BCL2L13: variants seen among roughly 807,000 people sequenced by gnomAD.
BCL2L13 encodes BCL2 like 13, also known as bcl-2-like protein 13.
In BCL2L13, 13 loss-of-function variants were observed where a neutral mutation model predicts 25.8. The ratio of observed to expected loss-of-function variants is 0.50; its 90% CI spans 0.33 to 0.80. The LOEUF is 0.80. Ranked by LOEUF, BCL2L13 falls within the 30% of genes least tolerant of loss-of-function variation. The pLI, the probability that BCL2L13 is intolerant of heterozygous loss-of-function variation, is 0.02. For synonymous variants in BCL2L13, 244 were observed against 230.3 expected (o/e 1.06, Z -0.54); for missense variants, 504 against 574.9 (o/e 0.88, Z 1.26).
At position 17,645,173 on chromosome 22, in the gene BCL2L13, A is replaced by T. The variant is rs116014864; in HGVS notation, c.-51+6287A>T. On this transcript the variant is annotated intron_variant, in intron 1 of 6. Coordinates refer to ENST00000317582, the MANE Select transcript of BCL2L13 (RefSeq NM_015367.4). Reference sequence around the variant, plus strand: ...TGGGACAAGTTTGGGAAACAAATACAAAAGACTGTCATGTTGCTGCATATT... The same window carrying T: ...TGGGACAAGTTTGGGAAACAAATACTAAAGACTGTCATGTTGCTGCATATT... Among the ~76,000 whole-genome samples, 755 of 151,060 alleles carry T rather than the reference A, an allele frequency of 5.0e-3. 37 individuals carry two copies. The highest frequency in any genetic ancestry group is 0.017 in the African/African-American group (678 of 40,540).
chr22:17,650,317 G>T (rs1464102096), intron 1 of BCL2L13, among the ~76,000 whole-genome samples: 1 of 152,076 alleles, frequency 6.6e-6, no homozygotes, highest in African/African-American at 2.4e-5. Context: ...GGACTGAAAG[G>T]GTTCCTCTTC....
chr22:17,655,004 G>A (rs1030419463), intron 1 of BCL2L13, among the ~76,000 whole-genome samples: 2 of 152,106 alleles, frequency 1.3e-5, no homozygotes, highest in South Asian at 2.1e-4. Flanking sequence ...GATTACATGC[G>A]TGAGCCACCA....
intron 1 of BCL2L13, among the ~76,000 whole-genome samples, chr22:17,631,666 G>GTATA (rs1568903492): frequency 5.1e-4 from 11 of 21,402 alleles, no homozygotes; most frequent in African/African-American, 1.2e-3. Context: ...GTATGTGTGT[G>GTATA]TGTGTATATA....
intron 1 of BCL2L13, among the ~76,000 whole-genome samples, chr22:17,629,767 A>AT (rs2057965693): frequency 6.6e-6 from 1 of 152,002 alleles, no homozygotes; most frequent in Non-Finnish European, 1.5e-5. Context: ...CTTCACCTAG[A>AT]TTCAACAATT....
chr22:17,714,170 G>C (rs532864397), intron 6 of BCL2L13, among the ~76,000 whole-genome samples: 3 of 152,070 alleles, frequency 2.0e-5, no homozygotes, highest in Non-Finnish European at 4.4e-5. Context: ...GCGGGCACCT[G>C]TAGTCCCAGC....
chr22:17,649,435 C>T (rs2058602757), intron 1 of BCL2L13, among the ~76,000 whole-genome samples: 1 of 151,962 alleles, frequency 6.6e-6, no homozygotes, highest in African/African-American at 2.4e-5. Context: ...AATGTAAATA[C>T]TTTCTTCTTC....
chr22:17,646,438 G>A (rs750586637), intron 1 of BCL2L13, among the ~76,000 whole-genome samples: 4 of 150,686 alleles, frequency 2.7e-5, no homozygotes, highest in East Asian at 3.9e-4. Context: ...TAGTAGTGAC[G>A]GTGTTTCATC....
intron 6 of BCL2L13, among the ~76,000 whole-genome samples, chr22:17,720,541 A>G (rs2061091112): frequency 6.6e-6 from 1 of 151,470 alleles, no homozygotes; most frequent in South Asian, 2.1e-4. Context: ...GTATTTTTAC[A>G]TGTAGTAGAG....
Position 17,631,696 on chromosome 22 carries a change from ATATATATATATTTTTTTTTTTTTTTT to A in BCL2L13, c.-650+2693_-650+2718del, listed in dbSNP as rs1568903886. ...TATATATATATATATATATATATAT[ATATATATATATTTTTTTTTTTTTTTT>A]TTTTTTTTTTTTTTTTGAGATGGAG... is the stretch of plus-strand genomic sequence containing the variant. On this transcript the variant is annotated intron_variant, in intron 1 of 6. Transcript: ENST00000399782. 9.0e-3 allele frequency among the ~76,000 whole-genome samples: 300 copies of A among 33,230 alleles called. 11 individuals are homozygous for A. Among genetic ancestry groups the A allele is most frequent in the African/African-American group, 0.023 (286 of 12,228 alleles). The allele number at this position is 33,230 out of a possible 152,430, so 21.8% of individuals were successfully genotyped here. A position where few individuals can be genotyped will look rare whatever the true frequency, so the allele number is the denominator to read the frequency against.
At chr22:17,687,978 C>T (rs993073353) in intron 3 of BCL2L13, among the ~76,000 whole-genome samples, 5 of 151,768 alleles carry the variant, frequency 3.3e-5, no homozygotes, top group East Asian at 3.9e-4. Flanking sequence ...CCATCACGCC[C>T]GGCTAATTTT....
intron 6 of BCL2L13, among the ~76,000 whole-genome samples, chr22:17,715,106 G>A (rs139775965): frequency 1.1e-3 from 134 of 119,684 alleles, no homozygotes; most frequent in Non-Finnish European, 2.0e-3. Flanking sequence ...AGTTTCCAAA[G>A]ACTTCAGTGT....
chr22:17,693,593 T>C (rs2060180464), intron 4 of BCL2L13, among the ~76,000 whole-genome samples: 1 of 152,118 alleles, frequency 6.6e-6, no homozygotes, highest in African/African-American at 2.4e-5. Flanking sequence ...TTGGCCAGGC[T>C]GGTCTTGAAC....
intron 5 of BCL2L13, among the ~76,000 whole-genome samples, chr22:17,700,221 T>A (rs1188257161): frequency 6.6e-6 from 1 of 152,074 alleles, no homozygotes; most frequent in East Asian, 1.9e-4. Flanking sequence ...AATGGAGCAA[T>A]GGCCATATGA....
intron 2 of BCL2L13, among the ~76,000 whole-genome samples, chr22:17,658,269 A>G (rs560461515): frequency 2.0e-5 from 3 of 152,326 alleles, no homozygotes; most frequent in African/African-American, 7.2e-5. Context: ...GAAAGAATAC[A>G]TGAATATGTA....
At chr22:17,635,899 C>T (rs919270190), upstream of BCL2L13, among the ~76,000 whole-genome samples, 6 of 151,514 alleles carry the variant, frequency 4.0e-5, no homozygotes, top group Admixed American at 6.6e-5. Flanking sequence ...TTAGTAGAGA[C>T]GGGGTTTCAC....
At position 17,730,412 on chromosome 22, in the gene BCL2L13, C is replaced by T. The variant is rs1462729315; in HGVS notation, c.*2878C>T. On this transcript the variant is annotated 3_prime_UTR_variant, in exon 7 of 7. Transcript: ENST00000317582. The stretch of plus-strand genomic sequence containing the variant: ...GCAGCCACTACCTAACTAGGCTTGT[C>T]CTGGGGGAGTGAGCCGTGAACCTGG... 1 of 152,134 alleles carries T rather than the reference C, an allele frequency of 6.6e-6. No individual in the cohort carries two copies. The highest frequency in any genetic ancestry group is 2.4e-5 in the African/African-American group (1 of 41,448). The allele number at this position is 152,134 out of a possible 1,614,324, so 9.4% of individuals were successfully genotyped here.
intron 1 of BCL2L13, among the ~76,000 whole-genome samples, chr22:17,649,232 GTAT>G (rs1393718562): frequency 1.3e-5 from 2 of 152,016 alleles, no homozygotes; most frequent in Admixed American, 1.3e-4. Context: ...GGAGTGGCTG[GTAT>G]TATAGGCGCA....
chr22:17,706,624 C>A, intron 6 of BCL2L13: 2 of 1,222,540 alleles, frequency 1.6e-6, no homozygotes, highest in Non-Finnish European at 2.1e-6. Context: ...CTCCTTAAGT[C>A]TGATCACCAT....
At chr22:17,701,118 G>A (rs1438253894) in intron 5 of BCL2L13, among the ~76,000 whole-genome samples, 1 of 151,820 alleles carries the variant, frequency 6.6e-6, no homozygotes, top group Admixed American at 6.6e-5. Flanking sequence ...GGGAAGACAG[G>A]GACTCTAGTT....
Sources: allele counts gnomAD v4.1 joint callset (sites outside exome capture counted in the v4.1 genomes callset), GRCh38; gene constraint gnomAD v4.1.1; transcripts MANE v1.5; gene names NCBI Gene and HGNC (gene_info 2026-07-23, HGNC 2026-07-21).